FUT8: variants seen among roughly 807,000 people sequenced by gnomAD.
The protein encoded by FUT8 is fucosyltransferase 8, also known as alpha-(1,6)-fucosyltransferase.
FUT8 carries 29 observed loss-of-function variants against 71.3 expected under a neutral mutation model. That is an observed-to-expected ratio of 0.41 (90% confidence interval 0.30 to 0.55). The LOEUF (loss-of-function observed/expected upper bound fraction) is 0.55. FUT8 is among the 20% of genes least tolerant of loss of function. The pLI, the probability that FUT8 is intolerant of heterozygous loss-of-function variation, is 0.34. For missense variants in FUT8, 544 were observed against 702.1 expected, an observed-to-expected ratio of 0.77 and a Z score of 2.55; for synonymous variants, 254 against 239.3, an observed-to-expected ratio of 1.06 and a Z score of -0.57.
intron 1 of FUT8, among the ~76,000 whole-genome samples, chr14:65,433,786 T>C (rs2065511392): frequency 6.9e-6 from 1 of 144,870 alleles, no homozygotes; most frequent in South Asian, 2.4e-4. Context: ...CTTCTGTCTC[T>C]TCTCTCTCTC....
chr14:65,511,525 T>C (rs1342268670), intron 2 of FUT8, among the ~76,000 whole-genome samples: 3 of 152,138 alleles, frequency 2.0e-5, no homozygotes, highest in Non-Finnish European at 4.4e-5. Context: ...TTGGAGTCTT[T>C]CTCTCTTTAG....
chr14:65,438,812 A>C, intron 1 of FUT8, among the ~76,000 whole-genome samples: 2 of 152,124 alleles, frequency 1.3e-5, no homozygotes, highest in Middle Eastern at 3.4e-3. Context: ...TGCTCTCCAC[A>C]TTTTCTATAA....
chr14:65,491,021 A>G (rs112000390), intron 2 of FUT8, among the ~76,000 whole-genome samples: 11 of 152,152 alleles, frequency 7.2e-5, no homozygotes, highest in African/African-American at 2.7e-4. Flanking sequence ...ACAATTTAAC[A>G]CTTTTAGTTA....
chr14:65,533,459 T>C (rs1884087745), intron 2 of FUT8, among the ~76,000 whole-genome samples: 1 of 152,200 alleles, frequency 6.6e-6, no homozygotes. Flanking sequence ...TTGGCTTGGC[T>C]GTTGTTGCTG....
chr14:65,528,043 C>T (rs1379596290), intron 2 of FUT8, among the ~76,000 whole-genome samples: 2 of 152,196 alleles, frequency 1.3e-5, no homozygotes, highest in Non-Finnish European at 2.9e-5. Flanking sequence ...ATCTCCAGCT[C>T]TGTGCTGGGA....
intron 2 of FUT8, among the ~76,000 whole-genome samples, chr14:65,494,956 G>A (rs897332760): frequency 4.6e-5 from 7 of 151,872 alleles, no homozygotes; most frequent in African/African-American, 1.7e-4. Context: ...TTCTGCTATC[G>A]TAGTTCTGGG....
At chr14:65,719,670 C>T (rs921098226) in intron 7 of FUT8, among the ~76,000 whole-genome samples, 1 of 152,214 alleles carries the variant, frequency 6.6e-6, no homozygotes, top group African/African-American at 2.4e-5. Context: ...CATTAGGGGG[C>T]ACCCCAAGCC....
intron 2 of FUT8, among the ~76,000 whole-genome samples, chr14:65,464,285 G>A (rs1251632899): frequency 1.9e-5 from 2 of 105,236 alleles, no homozygotes; most frequent in African/African-American, 3.6e-5. Context: ...TTTTTACATA[G>A]ATGATCATGT....
chr14:65,434,292 G>T (rs1324934115), intron 1 of FUT8, among the ~76,000 whole-genome samples: 1 of 152,126 alleles, frequency 6.6e-6, no homozygotes, highest in Non-Finnish European at 1.5e-5. Flanking sequence ...TTTTTCTCCT[G>T]TTGGCCTCAT....
At chr14:65,633,854 G>A (rs1276884774) in intron 6 of FUT8, among the ~76,000 whole-genome samples, 3 of 151,728 alleles carry the variant, frequency 2.0e-5, no homozygotes, top group African/African-American at 4.8e-5. Flanking sequence ...GAGGTGGGGG[G>A]TCAGCCCCCA....
intron 2 of FUT8, among the ~76,000 whole-genome samples, chr14:65,498,544 A>G (rs2066595366): frequency 6.6e-6 from 1 of 152,164 alleles, no homozygotes; most frequent in African/African-American, 2.4e-5. Flanking sequence ...TGAAGCCAAA[A>G]TATGTTAGTA....
chr14:65,448,149 A>G (rs10483776), intron 1 of FUT8, among the ~76,000 whole-genome samples: 20,037 of 152,198 alleles, frequency 0.13, 1,742 homozygotes, highest in Middle Eastern at 0.2. Context: ...CAAAATATCC[A>G]ATGGTTATGA....
At chr14:65,511,850 G>A (rs1389860515) in intron 2 of FUT8, among the ~76,000 whole-genome samples, 1 of 152,094 alleles carries the variant, frequency 6.6e-6, no homozygotes, top group Non-Finnish European at 1.5e-5. Context: ...AATCCATTCA[G>A]CTATCCCGAG....
In FUT8 at chr14:65,441,672, G is replaced by A. The variant is rs927746408; in HGVS notation, c.-325-13949G>A. On this transcript the variant is annotated intron_variant, in intron 1 of 10. Transcript: ENST00000673929. Reference sequence around the variant, plus strand: ...GGAGGCTGAAGCATAAGAATTGCCTGAATCCGGGAGGCAGAGGTTGCAGTA... The same window carrying A: ...GGAGGCTGAAGCATAAGAATTGCCTAAATCCGGGAGGCAGAGGTTGCAGTA... Among the ~76,000 whole-genome samples, 3 of 141,696 alleles carry A rather than the reference G, an allele frequency of 2.1e-5. 1 individual carries two copies. Among genetic ancestry groups the A allele is most frequent in the African/African-American group, 5.2e-5 (2 of 38,364 alleles). 93.0% of individuals were successfully genotyped at this position (141,696 alleles called of 152,430 possible). A position where few individuals can be genotyped will look rare whatever the true frequency, so the allele number is the denominator to read the frequency against.
intron 5 of FUT8, among the ~76,000 whole-genome samples, chr14:65,625,950 A>G (rs1889874054): frequency 6.6e-6 from 1 of 152,196 alleles, no homozygotes; most frequent in Non-Finnish European, 1.5e-5. Context: ...ATCAGGAATA[A>G]AAGAGTACTA....
At chr14:65,720,037 C>T (rs961606567) in intron 7 of FUT8, among the ~76,000 whole-genome samples, 3 of 152,224 alleles carry the variant, frequency 2.0e-5, no homozygotes, top group Non-Finnish European at 4.4e-5. Context: ...TTTTATCCAT[C>T]CCTTCAGGAC....
At position 65,550,157 on chromosome 14, in the gene FUT8, C is replaced by G. The variant is rs1311752349; in HGVS notation, c.-227-11180C>G. On this transcript the variant is annotated intron_variant, in intron 2 of 10. Coordinates refer to ENST00000673929, the MANE Select transcript of FUT8 (RefSeq NM_001371533.1). The surrounding 1 kb of genome is among the most constrained non-coding windows in gnomAD (Gnocchi z 4.5). ...CCAGCATCTGCTTCTGGGTGAGAGC[C>G]TCAGGAAACTTCCTCTCATGGTAGA... 6.6e-6 allele frequency among the ~76,000 whole-genome samples: 1 copy of G among 152,116 alleles called. No homozygotes were observed. Among genetic ancestry groups the G allele is most frequent in the African/African-American group, 2.4e-5 (1 of 41,422 alleles).
chr14:65,362,690 T>C, the FUT8 span, among the ~76,000 whole-genome samples: 34 of 152,126 alleles, frequency 2.2e-4, no homozygotes, highest in East Asian at 2.3e-3. Context: ...TAGCCGGGCG[T>C]GGTGGCTCAC....
At chr14:65,538,717 C>T (rs575416607) in intron 2 of FUT8, among the ~76,000 whole-genome samples, 4 of 152,150 alleles carry the variant, frequency 2.6e-5, no homozygotes, top group South Asian at 4.2e-4. Flanking sequence ...GTCAGGAGTT[C>T]GAGACCAGCC....
Sources: gnomAD v4.1 joint callset for allele counts (sites outside exome capture counted in the v4.1 genomes callset) on GRCh38, gnomAD v4.1.1 for gene constraint, Gnocchi (gnomAD v3.1) non-coding constraint, MANE v1.5 for transcripts, NCBI Gene and HGNC (gene_info 2026-07-23, HGNC 2026-07-21) for gene names.